The following YLPM1 variants were observed in gnomAD, a reference collection of about 807,000 sequenced individuals.
YLPM1 encodes YLP motif-containing protein 1.
YLPM1 carries 99 observed loss-of-function variants against 230.0 expected under a neutral mutation model. The observed-to-expected ratio is 0.43, with a 90% CI of 0.37 to 0.51. The LOEUF (loss-of-function observed/expected upper bound fraction) is 0.51, where lower values mean the gene tolerates loss of function less well. Among genes scored for constraint, YLPM1 ranks in the 20% least tolerant of loss-of-function variants. The pLI is 0.00. For missense variants in YLPM1, 2,592 were observed against 2,707.7 expected (o/e 0.96, Z 0.95); for synonymous variants, 984 against 942.5 (o/e 1.04, Z -0.81).
At chr14:74,822,041 G>A (rs1047067809) in intron 17 of YLPM1, 1 of 152,120 alleles carries the variant, frequency 6.6e-6, no homozygotes, top group African/African-American at 2.4e-5. Context: ...TAAAAACTGT[G>A]TTTATATAAA....
chr14:74,813,274 C>G (rs1156982367), intron 11 of YLPM1, among the ~76,000 whole-genome samples: 2 of 152,182 alleles, frequency 1.3e-5, no homozygotes, highest in Non-Finnish European at 2.9e-5. Flanking sequence ...GTTTTAAAGT[C>G]TTTTTGCCTA....
chr14:74,823,163 C>CT (rs143283520), intron 17 of YLPM1, among the ~76,000 whole-genome samples: 22,163 of 151,990 alleles, frequency 0.15, 1,757 homozygotes, highest in South Asian at 0.29. Context: ...CTAGTAAACT[C>CT]TTACACAGAA....
chr14:74,801,393 T>C (rs1241876934), intron 5 of YLPM1, among the ~76,000 whole-genome samples: 1 of 152,182 alleles, frequency 6.6e-6, no homozygotes, highest in African/African-American at 2.4e-5. Context: ...CACTTTAATG[T>C]AAGGAGAAAA....
Position 74,825,495 on chromosome 14 carries a change from G to T in YLPM1, c.6163+1188G>T, listed in dbSNP as rs189477865. On this transcript the variant is annotated intron_variant, in intron 18 of 20. Coordinates refer to ENST00000325680, the MANE Select transcript of YLPM1 (RefSeq NM_019589.3). ...TGGGAAATCTTAATAATAACCAATT[G>T]TCATCTTCCAGAGACCCTTAAAGCA... is the stretch of plus-strand genomic sequence containing the variant. Among the ~76,000 whole-genome samples, 194 of 152,072 alleles carry T rather than the reference G, an allele frequency of 1.3e-3. 1 individual carries two copies. Among genetic ancestry groups the T allele is most frequent in the African/African-American group, 4.6e-3 (192 of 41,490 alleles).
intron 6 of YLPM1, among the ~76,000 whole-genome samples, chr14:74,805,404 T>TA (rs757031978): frequency 2.0e-5 from 3 of 151,996 alleles, no homozygotes; most frequent in Non-Finnish European, 4.4e-5. Context: ...AATACAGTGG[T>TA]ACAATCATAG....
At chr14:74,832,905 A>T (rs1002269674) in intron 19 of YLPM1, among the ~76,000 whole-genome samples, 1 of 152,116 alleles carries the variant, frequency 6.6e-6, no homozygotes. Flanking sequence ...TAAACTGTAG[A>T]TTTAAAAGTA....
At chr14:74,787,064 CT>C (rs1253719180) in intron 4 of YLPM1, among the ~76,000 whole-genome samples, 14 of 152,138 alleles carry the variant, frequency 9.2e-5, no homozygotes, top group South Asian at 2.1e-4. Flanking sequence ...TGAGGTTTCA[CT>C]TTTTTTATTT....
At chr14:74,768,405 C>A (rs575874627) in intron 1 of YLPM1, among the ~76,000 whole-genome samples, 1 of 152,108 alleles carries the variant, frequency 6.6e-6, no homozygotes, top group East Asian at 1.9e-4. Flanking sequence ...TGCTACCATG[C>A]CTGGCTAGTT....
intron 1 of YLPM1, among the ~76,000 whole-genome samples, chr14:74,769,858 C>A (rs935688799): frequency 1.0e-5 from 1 of 97,870 alleles, no homozygotes; most frequent in East Asian, 3.5e-4. Context: ...GACACCCCCC[C>A]CCCCGCCCCC....
rs1288251745 is a variant in YLPM1 at position 74,817,952 on chromosome 14, A to T, written c.5947-279A>T. 2.0e-5 allele frequency among the ~76,000 whole-genome samples: 3 copies of T among 151,900 alleles called. No homozygotes were observed. In the East Asian group the frequency reaches 5.8e-4, roughly 29 times the overall value. On this transcript the variant is annotated intron_variant, in intron 15 of 20. Transcript: ENST00000325680. ...GTGCCTGTGGTCCCAGCTACTGGGG[A>T]GGCTGAAGTGGGAAGATCACTTGAG...
At chr14:74,793,398 C>A (rs1250451629) in intron 4 of YLPM1, among the ~76,000 whole-genome samples, 1 of 151,986 alleles carries the variant, frequency 6.6e-6, no homozygotes, top group Non-Finnish European at 1.5e-5. Flanking sequence ...TCCTTTATTG[C>A]ATCTTTTATT....
intron 4 of YLPM1, among the ~76,000 whole-genome samples, chr14:74,792,247 A>G (rs574797794): frequency 1.6e-4 from 24 of 152,216 alleles, no homozygotes; most frequent in South Asian, 1.0e-3. Context: ...AGCCTTCACT[A>G]CTTCGCATAG....
chr14:74,808,079 TA>T (rs1722910202), intron 6 of YLPM1, among the ~76,000 whole-genome samples: 5 of 152,252 alleles, frequency 3.3e-5, no homozygotes, highest in Admixed American at 1.3e-4. Flanking sequence ...GCTACCACCC[TA>T]ATTTGGAGTA....
intron 4 of YLPM1, among the ~76,000 whole-genome samples, chr14:74,794,969 G>T (rs1417366640): frequency 6.6e-6 from 1 of 152,196 alleles, no homozygotes; most frequent in Non-Finnish European, 1.5e-5. Context: ...GGGTGACCCA[G>T]GCTTTCATTC....
At chr14:74,790,274 T>TA (rs2091193159) in intron 4 of YLPM1, among the ~76,000 whole-genome samples, 1 of 152,194 alleles carries the variant, frequency 6.6e-6, no homozygotes, top group African/African-American at 2.4e-5. Flanking sequence ...TTCCATTTGT[T>TA]ATGGTTGTTC....
At position 74,763,545 on chromosome 14, in the gene YLPM1, T is replaced by G; in HGVS notation, c.56T>G (p.Val19Gly). Reference sequence around the variant, plus strand: ...AGCAGCCACTATCCGCCGCCACCGGTCCCACCGCCGCCGCCAGTGGCGCTT... The same window carrying G: ...AGCAGCCACTATCCGCCGCCACCGGGCCCACCGCCGCCGCCAGTGGCGCTT... ...GGSSHYPPPPVPPPPPVALPE... is the reference protein window; with the variant it reads ...GGSSHYPPPPGPPPPPVALPE... Residue 19 changes from valine to glycine, a missense_variant, in exon 1 of 21, where the codon GTC (valine) becomes GGC (glycine). Around this residue, in one of 4 missense-constraint regions of YLPM1, gnomAD observed 1,862 missense variants for 1,819.8 expected, o/e 1.02. Transcript: ENST00000325680. The G allele has an allele frequency of 6.5e-7, 1 of 1,531,746 alleles. No homozygotes were observed. 94.9% of individuals were successfully genotyped at this position (1,531,746 alleles called of 1,614,324 possible). A position where few individuals can be genotyped will look rare whatever the true frequency, so the allele number is the denominator to read the frequency against.
At chr14:74,794,023 A>C (rs2091233833) in intron 4 of YLPM1, among the ~76,000 whole-genome samples, 1 of 152,152 alleles carries the variant, frequency 6.6e-6, no homozygotes, top group African/African-American at 2.4e-5. Flanking sequence ...GTTACCACTC[A>C]TATTTGTTCT....
At position 74,816,660 on chromosome 14, in the gene YLPM1, T is replaced by A; in HGVS notation, c.5655T>A (p.Asp1885Glu). The A allele has an allele frequency of 6.2e-7, 1 of 1,613,326 alleles. No individual in the cohort carries two copies. The highest frequency in any genetic ancestry group is 8.5e-7 in the Non-Finnish European group (1 of 1,179,666). Residue 1885 changes from aspartate (D) to glutamate (E), a missense_variant, in exon 13 of 21, where the codon GAT (aspartate) becomes GAA (glutamate). By Grantham distance (45) the Asp-to-Glu change is conservative. Coordinates refer to ENST00000325680, the MANE Select transcript of YLPM1 (RefSeq NM_019589.3). ...CTGAAGTGGAAAAAGAAGAAAAAGA[T>A]CCAGATTCTGGAAAGAAAGTGAAAA... is the stretch of plus-strand genomic sequence containing the variant. ...FITEVEKEEK[D>E]PDSGKKVKKK...
At position 74,836,800 on chromosome 14, in the gene YLPM1, C is replaced by G. The variant is rs890293401; in HGVS notation, c.*1062C>G. The G allele has an allele frequency of 1.3e-5, 2 of 152,636 alleles. No homozygotes were observed. The highest frequency in any genetic ancestry group is 3.8e-4 in the East Asian group (2 of 5,198). 9.5% of individuals were successfully genotyped at this position (152,636 alleles called of 1,614,324 possible). On this transcript the variant is annotated 3_prime_UTR_variant, in exon 21 of 21. Coordinates refer to ENST00000325680, the MANE Select transcript of YLPM1 (RefSeq NM_019589.3). ...CATGGCCTTCTGCACAGAATTTCCT[C>G]TCTTGTGGTTAATACCAGGTGGAAC...
Sources: allele counts gnomAD v4.1 joint callset (sites outside exome capture counted in the v4.1 genomes callset), GRCh38; gene constraint gnomAD v4.1.1; regional missense constraint gnomAD v4.1.1; transcripts MANE v1.5; gene names NCBI Gene and HGNC (gene_info 2026-07-23, HGNC 2026-07-21).